Variants in WWTR1 observed in about 807,000 individuals in gnomAD.
WWTR1 encodes WW domain-containing transcription regulator protein 1.
In WWTR1, 13 loss-of-function variants were observed where a neutral mutation model predicts 40.1. The ratio of observed to expected loss-of-function variants is 0.32; its 90% confidence interval spans 0.21 to 0.52. The LOEUF is 0.52. Ranked by LOEUF, WWTR1 falls within the 20% of genes least tolerant of loss-of-function variation. WWTR1 has a pLI of 0.97. For missense variants in WWTR1, 436 were observed against 523.1 expected (o/e 0.83, Z 1.63); for synonymous variants, 230 against 210.1 (o/e 1.09, Z -0.82).
Position 149,527,562 on chromosome 3 carries a change from A to G in WWTR1, c.905+274T>C, listed in dbSNP as rs1426143838. 2.6e-5 allele frequency among the ~76,000 whole-genome samples: 4 copies of G among 152,218 alleles called. No homozygotes were observed. The East Asian group carries it at 7.7e-4, about 29-fold the overall frequency. ...AGTATAAGTACTAGACGACACCATCATGTTTAAAAATATAAGTTCATGCCC... is the reference window on the plus strand; with the variant it reads ...AGTATAAGTACTAGACGACACCATCGTGTTTAAAAATATAAGTTCATGCCC... On this transcript the variant is annotated intron_variant, in intron 5 of 6. Transcript: ENST00000360632.
At chr3:149,537,183 G>A (rs1735877334) in intron 4 of WWTR1, among the ~76,000 whole-genome samples, 1 of 152,182 alleles carries the variant, frequency 6.6e-6, no homozygotes, top group South Asian at 2.1e-4. Flanking sequence ...ATACTCTGTA[G>A]TCATTGTGGG....
chr3:149,587,102 T>TCA (rs1738465500), intron 2 of WWTR1, among the ~76,000 whole-genome samples: 1 of 152,136 alleles, frequency 6.6e-6, no homozygotes, highest in African/African-American at 2.4e-5. Flanking sequence ...GAAGCACAGG[T>TCA]CACCACCTGT....
chr3:149,554,556 T>TAA (rs1346542460), intron 3 of WWTR1, among the ~76,000 whole-genome samples: 1 of 152,174 alleles, frequency 6.6e-6, no homozygotes, highest in African/African-American at 2.4e-5. Flanking sequence ...TATATTTTCA[T>TAA]AATAACTGCA....
chr3:149,716,198 C>T (rs1442579471), intron 5 of WWTR1, among the ~76,000 whole-genome samples: 3 of 152,152 alleles, frequency 2.0e-5, no homozygotes. Context: ...GCCTGGCCAA[C>T]ATGGTAAAAC....
intron 2 of WWTR1, among the ~76,000 whole-genome samples, chr3:149,656,617 T>C (rs1051452018): frequency 1.4e-4 from 22 of 152,182 alleles, no homozygotes; most frequent in Admixed American, 5.2e-4. Flanking sequence ...CAAAGTCACC[T>C]GTGTGTTTTA....
rs149711456 is a variant in WWTR1 at position 149,584,824 on chromosome 3, A to T, written c.432-11824T>A. On this transcript the variant is annotated intron_variant, in intron 2 of 6. Transcript: ENST00000360632. ...CATCTCCAAGCCTTGGTCTCCTCCA[A>T]TGTAAAATGGGCATAAGAACATCCA... Among the ~76,000 whole-genome samples, 3 of 152,306 alleles carry T rather than the reference A, an allele frequency of 2.0e-5. No individual in the cohort carries two copies. The East Asian group carries it at 5.8e-4, about 29-fold the overall frequency.
intron 1 of WWTR1, among the ~76,000 whole-genome samples, chr3:149,680,325 C>T (rs1714413516): frequency 1.3e-5 from 2 of 152,152 alleles, no homozygotes; most frequent in Non-Finnish European, 2.9e-5. Flanking sequence ...AGGCAGATCA[C>T]CTGAGGTCAG....
At chr3:149,580,875 G>A (rs530482962) in intron 2 of WWTR1, among the ~76,000 whole-genome samples, 22 of 152,258 alleles carry the variant, frequency 1.4e-4, no homozygotes, top group African/African-American at 5.3e-4. Flanking sequence ...GGCTCCCAAA[G>A]TGCTGGGATT....
At chr3:149,685,618 T>C (rs1714623241) in intron 1 of WWTR1, among the ~76,000 whole-genome samples, 1 of 152,222 alleles carries the variant, frequency 6.6e-6, no homozygotes, top group Non-Finnish European at 1.5e-5. Context: ...AATCATTTTG[T>C]AATCCTCCCC....
At chr3:149,547,526 T>TA (rs922415871) in intron 3 of WWTR1, among the ~76,000 whole-genome samples, 5 of 150,198 alleles carry the variant, frequency 3.3e-5, no homozygotes, top group African/African-American at 1.2e-4. Context: ...AACTCCAGCT[T>TA]AAAAAAAAAG....
At chr3:149,691,464 T>A (rs1360498415) in intron 1 of WWTR1, among the ~76,000 whole-genome samples, 1 of 150,456 alleles carries the variant, frequency 6.6e-6, no homozygotes, top group Non-Finnish European at 1.5e-5. Context: ...AAATCAGAGA[T>A]GAAAAAGGAG....
At chr3:149,707,311 G>A (rs1370523843), upstream of WWTR1, among the ~76,000 whole-genome samples, 1 of 152,200 alleles carries the variant, frequency 6.6e-6, no homozygotes, top group Non-Finnish European at 1.5e-5. Flanking sequence ...TCCCCATGCA[G>A]AGGGGTTAGT....
chr3:149,643,198 T>C (rs926638661), intron 2 of WWTR1, among the ~76,000 whole-genome samples: 10 of 152,226 alleles, frequency 6.6e-5, no homozygotes, highest in African/African-American at 1.7e-4. Flanking sequence ...CTTTGCCAGG[T>C]ATCAAAATCA....
intron 2 of WWTR1, among the ~76,000 whole-genome samples, chr3:149,609,175 A>G (rs1047818054): frequency 6.6e-6 from 1 of 152,228 alleles, no homozygotes; most frequent in African/African-American, 2.4e-5. Context: ...GCCAAGGTCC[A>G]AAGTGCCATT....
At chr3:149,573,360 C>T (rs1737734187) in intron 2 of WWTR1, among the ~76,000 whole-genome samples, 1 of 152,100 alleles carries the variant, frequency 6.6e-6, no homozygotes, top group African/African-American at 2.4e-5. Flanking sequence ...GTGTGAGCTC[C>T]TTCCTGGAAG....
chr3:149,527,982 T>A lies in WWTR1; in HGVS notation c.772-13A>T. 3 of 1,612,644 alleles carry A rather than the reference T, an allele frequency of 1.9e-6. No individual in the cohort carries two copies. Among genetic ancestry groups the A allele is most frequent in the Non-Finnish European group, 2.5e-6 (3 of 1,179,298 alleles). On this transcript the variant is annotated splice_polypyrimidine_tract_variant and intron_variant, in intron 4 of 6. Coordinates refer to ENST00000360632, the MANE Select transcript of WWTR1 (RefSeq NM_015472.6). ...AGAGGGCAGCTTCCTACAGTCAGAA[T>A]GGGAAGCAAGAGTCATGCACTCATT...
At chr3:149,532,791 G>A (rs59909742) in intron 4 of WWTR1, among the ~76,000 whole-genome samples, 11,655 of 152,220 alleles carry the variant, frequency 0.077, 544 homozygotes, top group Admixed American at 0.11. Flanking sequence ...CTACCCTTGC[G>A]TGGGTAAAAA....
At chr3:149,628,647 C>G (rs938800486) in intron 2 of WWTR1, among the ~76,000 whole-genome samples, 4 of 151,754 alleles carry the variant, frequency 2.6e-5, no homozygotes, top group Non-Finnish European at 5.9e-5. Flanking sequence ...TAACCTAGCT[C>G]AAGTCCAGCT....
At chr3:149,667,213 T>C (rs16862106) in intron 2 of WWTR1, among the ~76,000 whole-genome samples, 30,087 of 152,038 alleles carry the variant, frequency 0.2, 3,224 homozygotes, top group Admixed American at 0.3. Flanking sequence ...GTAAATTGTT[T>C]AGTTGGAACT....
Sources: gnomAD v4.1 joint callset for allele counts (sites outside exome capture counted in the v4.1 genomes callset) on GRCh38, gnomAD v4.1.1 for gene constraint, MANE v1.5 for transcripts, NCBI Gene and HGNC (gene_info 2026-07-23, HGNC 2026-07-21) for gene names.